The following PRELID2 variants were observed in gnomAD, a reference collection of about 807,000 sequenced individuals.
PRELID2 encodes PRELI domain containing 2.
In PRELID2, 25 loss-of-function variants were observed where a neutral mutation model predicts 28.4. The ratio of observed to expected loss-of-function variants is 0.88; its 90% CI spans 0.64 to 1.23. PRELID2 has a LOEUF of 1.23. Ranked by LOEUF, PRELID2 falls within the 50% of genes most tolerant of loss-of-function variation. The pLI, the probability that PRELID2 is intolerant of heterozygous loss-of-function variation, is 0.00. For synonymous variants in PRELID2, 76 were observed against 71.6 expected (o/e 1.06, Z -0.31); for missense variants, 201 against 214.4 (o/e 0.94, Z 0.39).
At chr5:145,574,989 G>T (rs1382157471) in intron 1 of PRELID2, among the ~76,000 whole-genome samples, 1 of 152,146 alleles carries the variant, frequency 6.6e-6, no homozygotes, top group African/African-American at 2.4e-5. Flanking sequence ...GGAACCCATG[G>T]ACACAAAGGA....
intron 1 of PRELID2, chr5:145,728,742 A>C: frequency 6.7e-7 from 1 of 1,501,122 alleles, no homozygotes; most frequent in Non-Finnish European, 9.3e-7. Context: ...ACTCTCTTCA[A>C]CTGTTGTGAA....
At chr5:145,553,285 C>T (rs1752853628) in intron 1 of PRELID2, among the ~76,000 whole-genome samples, 2 of 150,792 alleles carry the variant, frequency 1.3e-5, no homozygotes, top group African/African-American at 2.4e-5. Flanking sequence ...CACACAGGAT[C>T]TTTGACAAGG....
chr5:145,525,937 G>A (rs965437568), intron 1 of PRELID2, among the ~76,000 whole-genome samples: 1 of 152,050 alleles, frequency 6.6e-6, no homozygotes, highest in Admixed American at 6.6e-5. Flanking sequence ...TTTCTTTCTG[G>A]GTCTACTTCT....
At chr5:145,427,268 C>T in the PRELID2 span, among the ~76,000 whole-genome samples, 2 of 152,304 alleles carry the variant, frequency 1.3e-5, no homozygotes, top group African/African-American at 4.8e-5. Context: ...CAGAGAAGAA[C>T]ACTAAGAGTA....
chr5:145,398,295 A>G, the PRELID2 span, among the ~76,000 whole-genome samples: 1 of 152,110 alleles, frequency 6.6e-6, no homozygotes, highest in East Asian at 1.9e-4. Flanking sequence ...CCCACGTATC[A>G]TTATTTCCCC....
At chr5:145,341,831 T>A in the PRELID2 span, among the ~76,000 whole-genome samples, 1 of 152,254 alleles carries the variant, frequency 6.6e-6, no homozygotes, top group East Asian at 1.9e-4. Flanking sequence ...GATTAGAACA[T>A]TTATTTAACA....
At chr5:145,495,878 A>G (rs899050965) in intron 1 of PRELID2, among the ~76,000 whole-genome samples, 4 of 152,234 alleles carry the variant, frequency 2.6e-5, no homozygotes, top group African/African-American at 7.2e-5. Context: ...TCTTTGCTCT[A>G]CCTCATTGAA....
intron 4 of PRELID2, among the ~76,000 whole-genome samples, chr5:145,810,057 C>T (rs1297586263): frequency 6.6e-6 from 1 of 152,182 alleles, no homozygotes. Context: ...AAACCTATCT[C>T]AGAACATAAG....
At chr5:145,499,398 T>C (rs1752338752) in intron 1 of PRELID2, among the ~76,000 whole-genome samples, 1 of 152,238 alleles carries the variant, frequency 6.6e-6, no homozygotes, top group Admixed American at 6.5e-5. Context: ...TATCTTTTTC[T>C]GAAGTTCTCA....
chr5:145,298,555 A>G, the PRELID2 span, among the ~76,000 whole-genome samples: 2 of 152,146 alleles, frequency 1.3e-5, no homozygotes, highest in Non-Finnish European at 2.9e-5. Flanking sequence ...CTTTGTTCTC[A>G]TAGGTGGGAT....
At chr5:145,834,672 A>T (rs887334549) in intron 1 of PRELID2, 1 of 151,728 alleles carries the variant, frequency 6.6e-6, no homozygotes. Flanking sequence ...CAACAACTCT[A>T]TGAGTCGGTA....
At chr5:145,503,092 C>T (rs1451811204) in intron 1 of PRELID2, among the ~76,000 whole-genome samples, 1 of 152,018 alleles carries the variant, frequency 6.6e-6, no homozygotes, top group Non-Finnish European at 1.5e-5. Context: ...GGGGTGGAGG[C>T]CTGGGGTCAT....
chr5:145,264,210 A>C, the PRELID2 span, among the ~76,000 whole-genome samples: 1 of 152,208 alleles, frequency 6.6e-6, no homozygotes, highest in Non-Finnish European at 1.5e-5. Flanking sequence ...ACAAAACTAC[A>C]GACCAATATC....
intron 1 of PRELID2, among the ~76,000 whole-genome samples, chr5:145,484,048 G>T (rs1752191127): frequency 6.6e-6 from 1 of 152,188 alleles, no homozygotes. Context: ...GTCTAAAAGA[G>T]AAAATCAAAT....
chr5:145,663,502 A>G (rs893043896), intron 1 of PRELID2, among the ~76,000 whole-genome samples: 2 of 152,188 alleles, frequency 1.3e-5, no homozygotes, highest in East Asian at 3.8e-4. Context: ...TTCACGGAGG[A>G]AGGGACTTAT....
chr5:145,730,817 C>A (rs1476897837), intron 1 of PRELID2, among the ~76,000 whole-genome samples: 1 of 152,176 alleles, frequency 6.6e-6, no homozygotes, highest in Non-Finnish European at 1.5e-5. Context: ...ACAGGCTAGC[C>A]CTAAGATAAA....
At chr5:145,608,645 G>T (rs1372929802) in intron 1 of PRELID2, among the ~76,000 whole-genome samples, 1 of 152,104 alleles carries the variant, frequency 6.6e-6, no homozygotes, top group Admixed American at 6.6e-5. Flanking sequence ...TAGATGATCT[G>T]CCCCTTCTCC....
At position 145,539,514 on chromosome 5, in the gene PRELID2, A is replaced by G. The variant is rs142369716; in HGVS notation, n.71-66199T>C. Among the ~76,000 whole-genome samples the G allele has an allele frequency of 1.8e-3, 278 of 152,048 alleles. 7 individuals are homozygous for G. The East Asian group carries it at 0.047, about 26-fold the overall frequency. ...AGGAGAATAATTTGTCTCCTCCTAC[A>G]CTATCTCACCCTGTTTTTTTCCTTC... On this transcript the variant is annotated intron_variant and non_coding_transcript_variant, in intron 1 of 2. Transcript: ENST00000510259.
chr5:145,284,466 T>C, the PRELID2 span, among the ~76,000 whole-genome samples: 1 of 152,160 alleles, frequency 6.6e-6, no homozygotes, highest in African/African-American at 2.4e-5. Flanking sequence ...CTAAACAATA[T>C]GTATAAGGAG....
Sources: allele counts gnomAD v4.1 joint callset (sites outside exome capture counted in the v4.1 genomes callset), GRCh38; gene constraint gnomAD v4.1.1; transcripts MANE v1.5; gene names NCBI Gene and HGNC (gene_info 2026-07-23, HGNC 2026-07-21).